Variants in PSMD14 observed in about 807,000 individuals in gnomAD.
PSMD14 encodes ubiquitin C-terminal hydrolase PSMD14.
PSMD14 carries 7 observed loss-of-function variants against 41.2 expected under a neutral mutation model. That is an observed-to-expected ratio of 0.17 (90% CI 0.10 to 0.32). The LOEUF (loss-of-function observed/expected upper bound fraction) is 0.32, where lower values mean the gene tolerates loss of function less well. PSMD14 is among the 10% of genes least tolerant of loss of function. The pLI is 1.00. For synonymous variants in PSMD14, 114 were observed against 122.3 expected, an observed-to-expected ratio of 0.93 and a Z score of 0.45; for missense variants, 139 against 375.6, an observed-to-expected ratio of 0.37 and a Z score of 5.21.
At chr2:161,348,506 G>A (rs1188526418) in intron 3 of PSMD14, among the ~76,000 whole-genome samples, 1 of 152,298 alleles carries the variant, frequency 6.6e-6, no homozygotes, top group East Asian at 1.9e-4. Context: ...AGGAGAATGT[G>A]TACATAATTG....
At chr2:161,380,741 A>G (rs1683560582) in intron 7 of PSMD14, among the ~76,000 whole-genome samples, 1 of 151,970 alleles carries the variant, frequency 6.6e-6, no homozygotes, top group East Asian at 1.9e-4. Context: ...GTTCTTAGTG[A>G]TTTTCATTGG....
chr2:161,351,612 T>C lies in PSMD14; in HGVS notation c.49-15866T>C, dbSNP rs1357998446. 2.6e-5 allele frequency among the ~76,000 whole-genome samples: 4 copies of C among 152,196 alleles called. No homozygotes were observed. The South Asian group carries it at 8.3e-4, about 32-fold the overall frequency. On this transcript the variant is annotated intron_variant, in intron 3 of 11. Coordinates refer to ENST00000409682, the MANE Select transcript of PSMD14 (RefSeq NM_005805.6). Reference sequence around the variant, plus strand: ...CTTACCCTCCTCTTTCCCCTGGAAGTCTTCTATGGTGTGCTAGTCAGGAAA... The same window carrying C: ...CTTACCCTCCTCTTTCCCCTGGAAGCCTTCTATGGTGTGCTAGTCAGGAAA...
rs1683699860 is a variant in PSMD14, at chr2:161,390,724, G to A, written c.571-380G>A. 2.6e-5 allele frequency among the ~76,000 whole-genome samples: 4 copies of A among 152,274 alleles called. No individual in the cohort carries two copies. In the South Asian group the frequency reaches 8.3e-4, roughly 32 times the overall value. On this transcript the variant is annotated intron_variant, in intron 8 of 11. Coordinates refer to ENST00000409682, the MANE Select transcript of PSMD14 (RefSeq NM_005805.6). Reference sequence around the variant, plus strand: ...TGGGTAAAGAAACAGCTGTGTTATTGTGGCTTTTTAGGCTTTTCATTTGAA... The same window carrying A: ...TGGGTAAAGAAACAGCTGTGTTATTATGGCTTTTTAGGCTTTTCATTTGAA...
intron 1 of PSMD14, among the ~76,000 whole-genome samples, chr2:161,315,897 G>A (rs182777537): frequency 0.016 from 2,326 of 142,724 alleles, 30 homozygotes; most frequent in Non-Finnish European, 0.024. Flanking sequence ...AGGCTGGAGT[G>A]CAATGGCGCG....
At chr2:161,392,072 C>T (rs1378432762) in intron 9 of PSMD14, among the ~76,000 whole-genome samples, 1 of 152,142 alleles carries the variant, frequency 6.6e-6, no homozygotes, top group African/African-American at 2.4e-5. Context: ...TTAGCATTCT[C>T]ATTTGTTTCT....
At chr2:161,312,266 C>T (rs930969358) in intron 1 of PSMD14, among the ~76,000 whole-genome samples, 3 of 152,038 alleles carry the variant, frequency 2.0e-5, no homozygotes, top group East Asian at 3.9e-4. Context: ...GCCTCAGCCT[C>T]CTGAGTAGCT....
At chr2:161,355,753 G>T (rs571425403) in intron 3 of PSMD14, among the ~76,000 whole-genome samples, 1 of 152,158 alleles carries the variant, frequency 6.6e-6, no homozygotes, top group Non-Finnish European at 1.5e-5. Context: ...AAGGATTCTT[G>T]TATAGACATT....
At chr2:161,327,471 A>G (rs970861689) in intron 3 of PSMD14, among the ~76,000 whole-genome samples, 1 of 152,168 alleles carries the variant, frequency 6.6e-6, no homozygotes, top group Non-Finnish European at 1.5e-5. Flanking sequence ...CTTTATAAGG[A>G]TTAAATAAAC....
At chr2:161,394,714 A>T (rs950774018) in intron 9 of PSMD14, among the ~76,000 whole-genome samples, 3 of 152,206 alleles carry the variant, frequency 2.0e-5, no homozygotes, top group Non-Finnish European at 2.9e-5. Flanking sequence ...TGTAAGCATT[A>T]TACAAGTAAT....
At position 161,321,406 on chromosome 2, in the gene PSMD14, T is replaced by C. The variant is rs777792725; in HGVS notation, c.48+2533T>C. Among the ~76,000 whole-genome samples, 112 of 152,318 alleles carry C rather than the reference T, an allele frequency of 7.4e-4. 1 individual carries two copies. Among genetic ancestry groups the C allele is most frequent in the Admixed American group, 1.2e-3 (19 of 15,310 alleles). On this transcript the variant is annotated intron_variant, in intron 3 of 11. Transcript: ENST00000409682. ...CATGATCTATACGAATAACCCAATT[T>C]TGATGAACGAAATGTCCAAGACATA... is the stretch of plus-strand genomic sequence containing the variant.
At chr2:161,362,763 C>T (rs541869407) in intron 3 of PSMD14, among the ~76,000 whole-genome samples, 2 of 152,282 alleles carry the variant, frequency 1.3e-5, no homozygotes, top group South Asian at 2.1e-4. Context: ...TTTCTCTACT[C>T]GTATGGTTTT....
chr2:161,411,377 T>A lies in PSMD14; in HGVS notation c.910T>A (p.Leu304Met). 6.2e-7 allele frequency: 1 copy of A among 1,608,502 alleles called. No individual in the cohort carries two copies. The highest frequency in any genetic ancestry group is 1.1e-5 in the South Asian group (1 of 90,484). The change falls in exon 12 of 12, where the codon TTG becomes ATG. Residue 304 changes from leucine (L) to methionine (M), a missense_variant. By Grantham distance (15) the Leu-to-Met change is conservative. Coordinates refer to ENST00000409682, the MANE Select transcript of PSMD14 (RefSeq NM_005805.6). ...TATTGTCCAGTGTTTAGCAGCTATG[T>A]TGGATACTGTCGTATTTAAATAAAG... ...SNIVQCLAAM[L>M]DTVVFK
chr2:161,328,279 TATG>T (rs1338977906), intron 3 of PSMD14, among the ~76,000 whole-genome samples: 7 of 152,142 alleles, frequency 4.6e-5, no homozygotes, highest in Admixed American at 2.6e-4. Context: ...CTAAATGTGT[TATG>T]ATGAAATTAA....
intron 8 of PSMD14, among the ~76,000 whole-genome samples, chr2:161,386,068 G>T (rs1312265135): frequency 6.6e-6 from 1 of 151,752 alleles, no homozygotes; most frequent in Non-Finnish European, 1.5e-5. Context: ...TATGTTACTT[G>T]TGATGAGAGT....
At chr2:161,345,618 G>C (rs1683030700) in intron 3 of PSMD14, among the ~76,000 whole-genome samples, 1 of 151,932 alleles carries the variant, frequency 6.6e-6, no homozygotes, top group Non-Finnish European at 1.5e-5. Context: ...CTGATTTTGG[G>C]TTATGATATT....
intron 7 of PSMD14, among the ~76,000 whole-genome samples, chr2:161,374,443 T>C (rs1029753576): frequency 6.6e-6 from 1 of 152,002 alleles, no homozygotes; most frequent in African/African-American, 2.4e-5. Flanking sequence ...CACTATATGA[T>C]AAAGAATCTG....
At chr2:161,322,954 C>G (rs557481259) in intron 3 of PSMD14, among the ~76,000 whole-genome samples, 1 of 152,212 alleles carries the variant, frequency 6.6e-6, no homozygotes, top group East Asian at 1.9e-4. Flanking sequence ...GGATCTCGTT[C>G]TCTTGACACA....
intron 1 of PSMD14, among the ~76,000 whole-genome samples, chr2:161,313,246 A>G (rs1689109843): frequency 6.6e-6 from 1 of 152,208 alleles, no homozygotes; most frequent in African/African-American, 2.4e-5. Flanking sequence ...GCCATTTACC[A>G]TCTAGGTCCA....
chr2:161,359,491 A>G (rs368053450), intron 3 of PSMD14, among the ~76,000 whole-genome samples: 5 of 152,120 alleles, frequency 3.3e-5, no homozygotes, highest in South Asian at 2.1e-4. Context: ...TATTTTTTTA[A>G]GGCAAAGATT....
Sources: gnomAD v4.1 joint callset for allele counts (sites outside exome capture counted in the v4.1 genomes callset) on GRCh38, gnomAD v4.1.1 for gene constraint, MANE v1.5 for transcripts, NCBI Gene and HGNC (gene_info 2026-07-23, HGNC 2026-07-21) for gene names.